Variants in CNGA3 observed in about 807,000 individuals in gnomAD.
CNGA3 encodes cyclic nucleotide gated channel subunit alpha 3.
CNGA3 carries 42 observed loss-of-function variants against 46.6 expected under a neutral mutation model. The ratio of observed to expected loss-of-function variants is 0.90; its 90% confidence interval spans 0.70 to 1.17. CNGA3 has a LOEUF of 1.17. CNGA3 is among the 50% of genes most tolerant of loss of function. CNGA3 has a pLI of 0.00. For synonymous variants in CNGA3, 394 were observed against 369.4 expected (o/e 1.07, Z -0.76); for missense variants, 893 against 890.7 (o/e 1.00, Z -0.03).
chr2:98,380,087 G>A lies in CNGA3; in HGVS notation c.216-88G>A, dbSNP rs966657121. ...TCCCTTGAGACAGACAGAGAGGGAG[G>A]GAGAAAGAGAGAGAGGGAAAGACTG... is the stretch of plus-strand genomic sequence containing the variant. On this transcript the variant is annotated intron_variant, in intron 3 of 7. Transcript: ENST00000272602. 9 of 1,446,008 alleles carry A rather than the reference G, an allele frequency of 6.2e-6. No individual in the cohort carries two copies. In the East Asian group the frequency reaches 9.1e-5, roughly 15 times the overall value. The allele number at this position is 1,446,008 out of a possible 1,614,324, so 89.6% of individuals were successfully genotyped here.
At chr2:98,388,707 G>C (rs1035892819) in intron 5 of CNGA3, among the ~76,000 whole-genome samples, 2 of 152,266 alleles carry the variant, frequency 1.3e-5, no homozygotes, top group Non-Finnish European at 2.9e-5. Flanking sequence ...AAGTGGGCCG[G>C]CCACACGTAG....
At position 98,346,515 on chromosome 2, in the gene CNGA3, G is replaced by A. The variant is rs545151440; in HGVS notation, c.-57G>A. The A allele has an allele frequency of 1.6e-4, 65 of 398,484 alleles. No individual in the cohort carries two copies. Among genetic ancestry groups the A allele is most frequent in the Middle Eastern group, 1.3e-3 (2 of 1,592 alleles). 24.7% of individuals were successfully genotyped at this position (398,484 alleles called of 1,614,324 possible). A position where few individuals can be genotyped will look rare whatever the true frequency, so the allele number is the denominator to read the frequency against. On this transcript the variant is annotated 5_prime_UTR_variant, in exon 1 of 8. Transcript: ENST00000272602. Reference sequence around the variant, plus strand: ...TCCGCAGACCCTGGCGCGCCGCGGAGAAGCTCAAACTTTGGCAGGGTAAGG... The same window carrying A: ...TCCGCAGACCCTGGCGCGCCGCGGAAAAGCTCAAACTTTGGCAGGGTAAGG...
At chr2:98,377,053 G>A (rs541181814) in intron 2 of CNGA3, among the ~76,000 whole-genome samples, 2 of 152,306 alleles carry the variant, frequency 1.3e-5, no homozygotes, top group South Asian at 4.1e-4. Context: ...TTGGCAAAAG[G>A]GACGAGGGGA....
intron 1 of CNGA3, among the ~76,000 whole-genome samples, chr2:98,356,949 C>G (rs1691894944): frequency 6.6e-6 from 1 of 152,110 alleles, no homozygotes; most frequent in Non-Finnish European, 1.5e-5. Context: ...TTGTGAGGAT[C>G]AAATGAGTAA....
At chr2:98,360,558 C>T (rs1692008278) in intron 1 of CNGA3, among the ~76,000 whole-genome samples, 1 of 152,156 alleles carries the variant, frequency 6.6e-6, no homozygotes, top group Non-Finnish European at 1.5e-5. Context: ...TAATAAAGCC[C>T]CAGCTTCTAG....
At chr2:98,375,866 A>G (rs1692391460) in intron 2 of CNGA3, among the ~76,000 whole-genome samples, 1 of 152,160 alleles carries the variant, frequency 6.6e-6, no homozygotes, top group Admixed American at 6.5e-5. Flanking sequence ...CCACCTGGCT[A>G]TGGGATCTCG....
At chr2:98,354,310 A>G (rs1489806013) in intron 1 of CNGA3, among the ~76,000 whole-genome samples, 1 of 152,198 alleles carries the variant, frequency 6.6e-6, no homozygotes, top group Admixed American at 6.5e-5. Context: ...GGCCAACTGT[A>G]GTAAGTCATT....
intron 1 of CNGA3, among the ~76,000 whole-genome samples, chr2:98,368,942 C>G (rs139603055): frequency 1.6e-3 from 247 of 152,286 alleles, no homozygotes; most frequent in African/African-American, 5.8e-3. Context: ...AAAGACATCT[C>G]AAAAGGCCGA....
intron 1 of CNGA3, among the ~76,000 whole-genome samples, chr2:98,364,593 C>T (rs958341466): frequency 1.3e-5 from 2 of 152,068 alleles, no homozygotes; most frequent in Non-Finnish European, 2.9e-5. Context: ...GTCTTTTAAT[C>T]AGGACATTTA....
At chr2:98,361,007 TTTTATTTTATTTTA>T (rs1692019391) in intron 1 of CNGA3, among the ~76,000 whole-genome samples, 1 of 113,290 alleles carries the variant, frequency 8.8e-6, no homozygotes, top group Non-Finnish European at 2.2e-5. Context: ...TTTTATTTTA[TTTTATTTTATTTTA>T]TTTATTTTAT....
At chr2:98,380,063 C>T (rs746593281) in intron 3 of CNGA3, 112 bp from the exon 4 acceptor site, 37 of 1,274,404 alleles carry the variant, frequency 2.9e-5, no homozygotes, top group Non-Finnish European at 3.9e-5. Flanking sequence ...TCTGCCCCAT[C>T]CCTTGAGACA....
chr2:98,356,246 T>C (rs1437517758), intron 1 of CNGA3, among the ~76,000 whole-genome samples: 1 of 152,206 alleles, frequency 6.6e-6, no homozygotes, highest in East Asian at 1.9e-4. Flanking sequence ...CTGCCCAGCC[T>C]CACATTTACT....
At chr2:98,353,425 G>T (rs1691811613) in intron 1 of CNGA3, among the ~76,000 whole-genome samples, 1 of 152,130 alleles carries the variant, frequency 6.6e-6, no homozygotes, top group African/African-American at 2.4e-5. Flanking sequence ...TATTTGCATT[G>T]TAGGGTTTTA....
intron 2 of CNGA3, among the ~76,000 whole-genome samples, chr2:98,376,315 C>A (rs1692404843): frequency 1.3e-5 from 2 of 152,164 alleles, no homozygotes; most frequent in Middle Eastern, 3.4e-3. Flanking sequence ...AGGACCATGA[C>A]AAGGAAGAGA....
intron 1 of CNGA3, among the ~76,000 whole-genome samples, chr2:98,365,671 G>A (rs1692130745): frequency 6.6e-6 from 1 of 151,910 alleles, no homozygotes; most frequent in Non-Finnish European, 1.5e-5. Context: ...TTCAAGCTCT[G>A]AAATTCTTTC....
At chr2:98,378,161 G>A (rs1397780917) in intron 3 of CNGA3, 1 of 1,550,710 alleles carries the variant, frequency 6.4e-7, no homozygotes, top group Non-Finnish European at 8.7e-7. Flanking sequence ...TGAGGATGGT[G>A]GTGATGAGTC....
chr2:98,383,327 A>G, intron 4 of CNGA3, 61 bp from the exon 5 acceptor site: 1 of 1,512,530 alleles, frequency 6.6e-7, no homozygotes, highest in Non-Finnish European at 9.2e-7. Context: ...CCCCTGGTGA[A>G]ATGGCCCCAA....
intron 7 of CNGA3, among the ~76,000 whole-genome samples, chr2:98,393,875 A>G (rs535278874): frequency 1.3e-5 from 2 of 152,090 alleles, no homozygotes; most frequent in South Asian, 4.2e-4. Flanking sequence ...AGGCTACATA[A>G]TGATCAAGGC....
Position 98,377,731 on chromosome 2 carries a change from G to T in CNGA3, c.146G>T (p.Gly49Val). 6.2e-7 allele frequency: 1 copy of T among 1,613,400 alleles called. No individual in the cohort carries two copies. The highest frequency in any genetic ancestry group is 8.5e-7 in the Non-Finnish European group (1 of 1,180,016). ...SEETSSVLQP[G>V]IAMETRGLAD... Reference sequence around the variant, plus strand: ...GAGACATCGTCAGTGCTGCAGCCGGGGATCGCCATGGAGACCAGAGGACTG... The same window carrying T: ...GAGACATCGTCAGTGCTGCAGCCGGTGATCGCCATGGAGACCAGAGGACTG... Residue 49 changes from glycine to valine, a missense_variant, in exon 3 of 8, where the codon GGG becomes GTG. Transcript: ENST00000272602.
Sources: gnomAD v4.1 joint callset for allele counts (sites outside exome capture counted in the v4.1 genomes callset) on GRCh38, gnomAD v4.1.1 for gene constraint, MANE v1.5 for transcripts, NCBI Gene and HGNC (gene_info 2026-07-23, HGNC 2026-07-21) for gene names.